Variants in HMGXB4 observed in about 807,000 individuals in gnomAD.
The protein encoded by HMGXB4 is HMG-box containing 4.
Under a neutral mutation model 63.9 loss-of-function variants are expected in HMGXB4, and 27 were observed. The observed-to-expected ratio is 0.42, with a 90% CI of 0.31 to 0.58. The LOEUF is 0.58. Among genes scored for constraint, HMGXB4 ranks in the 20% least tolerant of loss-of-function variants. The probability of loss-of-function intolerance (pLI) is 0.13; values close to 1 mark genes in which losing one functional copy is unlikely to be tolerated. For synonymous variants in HMGXB4, 264 were observed against 265.3 expected (o/e 0.99, Z 0.05); for missense variants, 624 against 700.7 (o/e 0.89, Z 1.24).
chr22:35,278,877 CAAAA>C (rs35984118), intron 5 of HMGXB4, among the ~76,000 whole-genome samples: 61,641 of 108,146 alleles, frequency 0.57, 16,079 homozygotes, highest in Non-Finnish European at 0.65. Context: ...TGCATCTCTA[CAAAA>C]AAAAAAAAAA....
chr22:35,265,564 AAAAG>A lies in HMGXB4; in HGVS notation c.1179_1182del (p.Glu394ArgfsTer29). The stretch of plus-strand genomic sequence containing the variant: ...ATGGGCATAGTGAAAAAAAAAAGAA[AAAAG>A]AAGAGAAGGACAAAGAGAGAGAGAG... On this transcript the variant is annotated frameshift_variant, in exon 5 of 11. Transcript: ENST00000216106. LOFTEE classifies it high-confidence loss of function. The A allele has an allele frequency of 6.3e-7, 1 of 1,595,398 alleles. No individual in the cohort carries two copies. Among genetic ancestry groups the A allele is most frequent in the Non-Finnish European group, 8.5e-7 (1 of 1,174,164 alleles).
At chr22:35,253,608 C>T (rs879776260), upstream of HMGXB4, among the ~76,000 whole-genome samples, 3 of 151,814 alleles carry the variant, frequency 2.0e-5, no homozygotes, top group Non-Finnish European at 2.9e-5. Context: ...TGTGCGCGCG[C>T]GCGCGCGCGT....
chr22:35,265,523 C>G lies in HMGXB4; in HGVS notation c.1135C>G (p.Pro379Ala). ...AGAAAPPLPL[P>A]GLHTDGHSEK... is the part of the protein sequence containing the mutation. ...AGCAGCAGCACCTCCCCTGCCACTT[C>G]CTGGCCTCCACACAGATGGGCATAG... The change falls in exon 5 of 11, where the codon CCT (proline) becomes GCT (alanine). Residue 379 changes from proline to alanine, a missense_variant. Transcript: ENST00000216106. The G allele has an allele frequency of 1.2e-6, 2 of 1,613,630 alleles. No individual in the cohort carries two copies. The highest frequency in any genetic ancestry group is 1.7e-6 in the Non-Finnish European group (2 of 1,179,950).
At chr22:35,256,977 C>G (rs1163874562), upstream of HMGXB4, among the ~76,000 whole-genome samples, 1 of 152,222 alleles carries the variant, frequency 6.6e-6, no homozygotes, top group Non-Finnish European at 1.5e-5. Context: ...AATTATTTTA[C>G]TGTACATTGT....
rs924360569 is a variant in HMGXB4, at chr22:35,265,739, T to C, written c.1215+136T>C. ...GTTTGGGGGATATGTTGGAATGATATAAAGTATAAAATATTACCAGTAGCC... is the reference window on the plus strand; with the variant it reads ...GTTTGGGGGATATGTTGGAATGATACAAAGTATAAAATATTACCAGTAGCC... On this transcript the variant is annotated intron_variant, in intron 5 of 10. Transcript: ENST00000216106. 38 of 1,240,834 alleles carry C rather than the reference T, an allele frequency of 3.1e-5. No homozygotes were observed. The Admixed American group carries it at 3.6e-4, about 12-fold the overall frequency. 76.9% of individuals were successfully genotyped at this position (1,240,834 alleles called of 1,614,324 possible). A position where few individuals can be genotyped will look rare whatever the true frequency, so the allele number is the denominator to read the frequency against.
chr22:35,283,835 G>A (rs1924410121), intron 5 of HMGXB4, 127 bp from the exon 6 acceptor site: 4 of 619,548 alleles, frequency 6.5e-6, no homozygotes, highest in Middle Eastern at 7.3e-4. Flanking sequence ...AAGCTGGTTA[G>A]TAGTTTGGAA....
intron 5 of HMGXB4, among the ~76,000 whole-genome samples, chr22:35,271,752 A>C (rs1923621014): frequency 6.6e-6 from 1 of 152,250 alleles, no homozygotes; most frequent in Non-Finnish European, 1.5e-5. Context: ...GACAAACAAC[A>C]ATACTTGACA....
In HMGXB4 at chr22:35,262,505, G is replaced by C; in HGVS notation, c.31+84G>C. 6 of 1,352,574 alleles carry C rather than the reference G, an allele frequency of 4.4e-6. No individual in the cohort carries two copies. The Admixed American group carries it at 6.7e-5, about 15-fold the overall frequency. The allele number at this position is 1,352,574 out of a possible 1,614,324, so 83.8% of individuals were successfully genotyped here. The stretch of plus-strand genomic sequence containing the variant: ...CCCATGGATATAGAGACCAGGACTG[G>C]GCACCACAGCCTGGACTCCCAAGTG... On this transcript the variant is annotated intron_variant, in intron 2 of 10. Coordinates refer to ENST00000216106, the MANE Select transcript of HMGXB4 (RefSeq NM_001003681.3).
intron 7 of HMGXB4, among the ~76,000 whole-genome samples, chr22:35,286,442 CAAT>C (rs1241718574): frequency 6.6e-6 from 1 of 152,188 alleles, no homozygotes; most frequent in Non-Finnish European, 1.5e-5. Context: ...TCACTGCAAA[CAAT>C]AAAAATATGA....
At chr22:35,258,850 G>C (rs568324850) in intron 1 of HMGXB4, among the ~76,000 whole-genome samples, 2 of 152,326 alleles carry the variant, frequency 1.3e-5, no homozygotes, top group Non-Finnish European at 1.5e-5. Flanking sequence ...TCCTGGAACA[G>C]ACCTGGAGTT....
At chr22:35,256,873 C>T (rs755513233), upstream of HMGXB4, among the ~76,000 whole-genome samples, 24 of 152,218 alleles carry the variant, frequency 1.6e-4, no homozygotes, top group Non-Finnish European at 3.2e-4. Flanking sequence ...AATGGCAAAT[C>T]AGAAAAATTG....
intron 5 of HMGXB4, among the ~76,000 whole-genome samples, chr22:35,267,896 C>A (rs1344844185): frequency 6.6e-6 from 1 of 152,172 alleles, no homozygotes; most frequent in Non-Finnish European, 1.5e-5. Context: ...ACATTTCACC[C>A]CTAAACACTT....
At chr22:35,242,519 A>G in the HMGXB4 span, among the ~76,000 whole-genome samples, 1 of 150,972 alleles carries the variant, frequency 6.6e-6, no homozygotes, top group Non-Finnish European at 1.5e-5. Context: ...CATTACTGAT[A>G]ATAGTAATCT....
At chr22:35,281,509 T>C (rs966376299) in intron 5 of HMGXB4, among the ~76,000 whole-genome samples, 1 of 152,240 alleles carries the variant, frequency 6.6e-6, no homozygotes, top group African/African-American at 2.4e-5. Context: ...GTGATTAGTG[T>C]GACAGCTATA....
rs754165427 is a variant in HMGXB4 at position 35,264,897 on chromosome 22, A to G, written c.509A>G (p.Lys170Arg). 8 of 1,614,056 alleles carry G rather than the reference A, an allele frequency of 5.0e-6. No individual in the cohort carries two copies. The East Asian group carries it at 1.6e-4, about 31-fold the overall frequency. Residue 170 changes from lysine to arginine, a missense_variant, in exon 5 of 11, where the codon AAA becomes AGA. Around this residue, in one of 2 missense-constraint regions of HMGXB4, gnomAD observed 472 missense variants for 470.6 expected, o/e 1.00. Coordinates refer to ENST00000216106, the MANE Select transcript of HMGXB4 (RefSeq NM_001003681.3). ...PLEDGGSHKS[K>R]KMKPLYVNTE... The stretch of plus-strand genomic sequence containing the variant: ...GAGGATGGTGGCTCCCACAAATCGA[A>G]AAAAATGAAACCTCTCTATGTGAAC...
At chr22:35,268,135 T>C (rs892833241) in intron 5 of HMGXB4, among the ~76,000 whole-genome samples, 4 of 152,312 alleles carry the variant, frequency 2.6e-5, no homozygotes, top group South Asian at 2.1e-4. Context: ...ATATTGAGTA[T>C]GTGATGAGTT....
At chr22:35,276,284 T>C (rs1440596084) in intron 5 of HMGXB4, among the ~76,000 whole-genome samples, 2 of 152,220 alleles carry the variant, frequency 1.3e-5, no homozygotes, top group Non-Finnish European at 2.9e-5. Flanking sequence ...CAGAATGTCA[T>C]TCTAGTGCAG....
At chr22:35,275,110 CTTTTTTTTTTTTTT>C (rs59290559) in intron 5 of HMGXB4, among the ~76,000 whole-genome samples, 1 of 103,538 alleles carries the variant, frequency 9.7e-6, no homozygotes, top group Admixed American at 1.1e-4. Flanking sequence ...CACCAAATTT[CTTTTTTTTTTTTTT>C]TTTTTTTTTT....
At chr22:35,280,312 A>G (rs1410379412) in intron 5 of HMGXB4, among the ~76,000 whole-genome samples, 3 of 152,224 alleles carry the variant, frequency 2.0e-5, no homozygotes, top group African/African-American at 7.2e-5. Flanking sequence ...TTTGAGTTAA[A>G]TGGTATTATC....
Sources: allele counts gnomAD v4.1 joint callset (sites outside exome capture counted in the v4.1 genomes callset), GRCh38; gene constraint gnomAD v4.1.1; regional missense constraint gnomAD v4.1.1; transcripts MANE v1.5; gene names NCBI Gene and HGNC (gene_info 2026-07-23, HGNC 2026-07-21).